The following SNTG1 variants were observed in gnomAD, a reference collection of about 807,000 sequenced individuals.
SNTG1 encodes the protein syntrophin gamma 1.
Under a neutral mutation model 74.7 loss-of-function variants are expected in SNTG1, and 39 were observed. The ratio of observed to expected loss-of-function variants is 0.52; its 90% CI spans 0.40 to 0.68. The LOEUF is 0.68. Among genes scored for constraint, SNTG1 ranks in the 30% least tolerant of loss-of-function variants. The pLI, the probability that SNTG1 is intolerant of heterozygous loss-of-function variation, is 0.00. For synonymous variants in SNTG1, 254 were observed against 217.1 expected (o/e 1.17, Z -1.49); for missense variants, 685 against 609.5 (o/e 1.12, Z -1.30).
chr8:50,567,364 G>A (rs919342529), intron 12 of SNTG1, among the ~76,000 whole-genome samples: 2 of 151,960 alleles, frequency 1.3e-5, no homozygotes, highest in Non-Finnish European at 2.9e-5. Context: ...TTTCTATTAA[G>A]GTTACTTACA....
intron 11 of SNTG1, among the ~76,000 whole-genome samples, chr8:50,551,191 A>G (rs972961170): frequency 1.3e-5 from 2 of 152,134 alleles, no homozygotes; most frequent in Admixed American, 6.5e-5. Context: ...TTTATGATCA[A>G]CTTATACTAT....
At position 50,754,097 on chromosome 8, in the gene SNTG1, A is replaced by T. The variant is rs371762128; in HGVS notation, c.1395+1986A>T. 2.4e-4 allele frequency among the ~76,000 whole-genome samples: 36 copies of T among 152,074 alleles called. 1 individual carries two copies. The South Asian group carries it at 2.5e-3, about 11-fold the overall frequency. ...TTGCTAACTATTGTATAACCTCTAT[A>T]ACCATGACTTGTGAGCAGTAAGCTA... On this transcript the variant is annotated intron_variant, in intron 18 of 18. Transcript: ENST00000642720.
chr8:50,304,159 T>C, intron 2 of SNTG1, among the ~76,000 whole-genome samples: 1 of 152,038 alleles, frequency 6.6e-6, no homozygotes, highest in East Asian at 1.9e-4. Context: ...ATCATGGGAG[T>C]GTGTTGCATA....
chr8:50,271,635 C>T lies in SNTG1; in HGVS notation c.-28+99000C>T, dbSNP rs1442509083. Among the ~76,000 whole-genome samples the T allele has an allele frequency of 2.0e-5, 3 of 152,146 alleles. No individual in the cohort carries two copies. The East Asian group carries it at 5.8e-4, about 29-fold the overall frequency. On this transcript the variant is annotated intron_variant, in intron 2 of 18. Transcript: ENST00000642720. ...ATTAAGGTATAATTCAGTTTTCTTT[C>T]ATCGGGATGGTTCAACTGAGCTTTT...
intron 4 of SNTG1, among the ~76,000 whole-genome samples, chr8:50,410,797 C>G (rs776013942): frequency 6.6e-6 from 1 of 152,158 alleles, no homozygotes; most frequent in Non-Finnish European, 1.5e-5. Context: ...TTTCACTAAG[C>G]ATAATGTCCT....
intron 1 of SNTG1, among the ~76,000 whole-genome samples, chr8:49,968,240 A>G (rs778402143): frequency 6.6e-6 from 1 of 152,138 alleles, no homozygotes; most frequent in Non-Finnish European, 1.5e-5. Flanking sequence ...CTGATGATTT[A>G]AAATGTGCCC....
At chr8:49,962,308 G>A (rs1290849631) in intron 1 of SNTG1, among the ~76,000 whole-genome samples, 4 of 151,446 alleles carry the variant, frequency 2.6e-5, no homozygotes, top group Admixed American at 6.6e-5. Context: ...GTTCTTTTTT[G>A]GGGGGCGGGT....
intron 2 of SNTG1, among the ~76,000 whole-genome samples, chr8:50,222,907 T>C (rs1297785163): frequency 6.6e-6 from 1 of 152,028 alleles, no homozygotes; most frequent in Non-Finnish European, 1.5e-5. Flanking sequence ...TCAAATGCAC[T>C]CTTCAACCCA....
At chr8:50,368,640 A>T (rs916258431) in intron 2 of SNTG1, among the ~76,000 whole-genome samples, 8 of 152,146 alleles carry the variant, frequency 5.3e-5, no homozygotes, top group African/African-American at 1.9e-4. Flanking sequence ...AGCAGGACAG[A>T]TTAAGGAAAA....
At chr8:50,685,861 T>C (rs931341469) in intron 15 of SNTG1, among the ~76,000 whole-genome samples, 7 of 152,256 alleles carry the variant, frequency 4.6e-5, no homozygotes, top group Admixed American at 3.3e-4. Flanking sequence ...TTAATACTGT[T>C]AGCTAATTGT....
chr8:50,578,448 C>T (rs2094589292), intron 12 of SNTG1, among the ~76,000 whole-genome samples: 1 of 151,778 alleles, frequency 6.6e-6, no homozygotes, highest in African/African-American at 2.4e-5. Flanking sequence ...ACAGCAAGAG[C>T]AAGGGAGGGT....
intron 17 of SNTG1, among the ~76,000 whole-genome samples, chr8:50,711,316 T>C (rs939451379): frequency 1.3e-5 from 2 of 152,230 alleles, no homozygotes; most frequent in African/African-American, 4.8e-5. Flanking sequence ...CCAAGAGTTT[T>C]TGAATGTTTG....
chr8:50,279,172 A>G (rs1442454382), intron 2 of SNTG1, among the ~76,000 whole-genome samples: 1 of 152,182 alleles, frequency 6.6e-6, no homozygotes, highest in Admixed American at 6.5e-5. Flanking sequence ...TCTAATTGAG[A>G]AAAATAAGTT....
chr8:50,403,494 G>A (rs938993079), intron 4 of SNTG1, among the ~76,000 whole-genome samples: 3 of 152,132 alleles, frequency 2.0e-5, no homozygotes, highest in Non-Finnish European at 4.4e-5. Flanking sequence ...GAAGTGACAT[G>A]AGTCATATAA....
At chr8:50,481,541 A>C (rs1485901225) in intron 8 of SNTG1, among the ~76,000 whole-genome samples, 1 of 152,206 alleles carries the variant, frequency 6.6e-6, no homozygotes, top group Non-Finnish European at 1.5e-5. Flanking sequence ...TTTAGTGAGT[A>C]GCAAATAATT....
At chr8:50,001,016 C>T (rs1423074355) in intron 1 of SNTG1, among the ~76,000 whole-genome samples, 1 of 152,128 alleles carries the variant, frequency 6.6e-6, no homozygotes, top group African/African-American at 2.4e-5. Flanking sequence ...CAATAGTTGA[C>T]ATGGTAAGGA....
rs10535912 is a variant in SNTG1 at position 50,309,360 on chromosome 8, C to CA, written c.-27-84839dup. Among the ~76,000 whole-genome samples, 924 of 149,404 alleles carry CA rather than the reference C, an allele frequency of 6.2e-3. 15 individuals carry two copies. Among genetic ancestry groups the CA allele is most frequent in the African/African-American group, 0.021 (841 of 39,998 alleles). Reference sequence around the variant, plus strand: ...GACTTTGCCTCTTTCTTTTTTAAGACAAAAAAAAAAAAATCACTGTTCTGT... The same window carrying CA: ...GACTTTGCCTCTTTCTTTTTTAAGACAAAAAAAAAAAAAATCACTGTTCTGT... On this transcript the variant is annotated intron_variant, in intron 2 of 18. Coordinates refer to ENST00000642720, the MANE Select transcript of SNTG1 (RefSeq NM_018967.5).
intron 18 of SNTG1, among the ~76,000 whole-genome samples, chr8:50,758,543 G>C (rs1308927863): frequency 1.3e-5 from 2 of 151,990 alleles, no homozygotes; most frequent in East Asian, 3.9e-4. Context: ...TCATTGTTCA[G>C]CTCCCACTTA....
chr8:50,792,650 C>G (rs747807222), intron 18 of SNTG1, 21 bp from the exon 19 acceptor site: 1 of 1,588,808 alleles, frequency 6.3e-7, no homozygotes, highest in Non-Finnish European at 8.6e-7. Flanking sequence ...GTTATCTGAC[C>G]TGTTTCTCTT....
Sources: allele counts gnomAD v4.1 joint callset (sites outside exome capture counted in the v4.1 genomes callset), GRCh38; gene constraint gnomAD v4.1.1; transcripts MANE v1.5; gene names NCBI Gene and HGNC (gene_info 2026-07-23, HGNC 2026-07-21).